TGFBR2: variants seen among roughly 807,000 people sequenced by gnomAD.
TGFBR2 encodes TGF-beta receptor type-2.
A neutral mutation model predicts 49.0 loss-of-function variants in TGFBR2; 18 were observed. That is an observed-to-expected ratio of 0.37 (90% confidence interval 0.25 to 0.54). TGFBR2 has a LOEUF of 0.54. TGFBR2 is among the 20% of genes least tolerant of loss of function. The pLI, the probability that TGFBR2 is intolerant of heterozygous loss-of-function variation, is 0.85. For missense variants in TGFBR2, 525 were observed against 722.6 expected, an observed-to-expected ratio of 0.73 and a Z score of 3.13; for synonymous variants, 282 against 275.9, an observed-to-expected ratio of 1.02 and a Z score of -0.22.
rs1312330303 is a variant in TGFBR2, at chr3:30,676,048, A to G, written c.1396+1802A>G. ...TAAAAAGTTTAAGACAGTTATTTAG[A>G]CGGTCTCTCACTTTGGGTTTCACTA... On this transcript the variant is annotated intron_variant, in intron 5 of 6. Coordinates refer to ENST00000295754, the MANE Select transcript of TGFBR2 (RefSeq NM_003242.6). This position sits in a 1 kb window ranked among gnomAD's most constrained non-coding sequence, Gnocchi z 4.3. 6.6e-6 allele frequency among the ~76,000 whole-genome samples: 1 copy of G among 152,102 alleles called. No individual in the cohort carries two copies. The highest frequency in any genetic ancestry group is 2.4e-5 in the African/African-American group (1 of 41,420).
At chr3:30,660,155 A>G (rs779924877) in intron 3 of TGFBR2, among the ~76,000 whole-genome samples, 1 of 152,208 alleles carries the variant, frequency 6.6e-6, no homozygotes, top group Non-Finnish European at 1.5e-5. Flanking sequence ...ATATACATAT[A>G]TATGCCTTTT....
At chr3:30,609,623 C>T (rs750538263) in intron 1 of TGFBR2, among the ~76,000 whole-genome samples, 4 of 152,140 alleles carry the variant, frequency 2.6e-5, no homozygotes, top group Admixed American at 1.3e-4. Flanking sequence ...GTAAAGTGCA[C>T]AATAACTCTT....
chr3:30,624,033 C>T lies in TGFBR2; in HGVS notation c.94+17056C>T, dbSNP rs560447046. On this transcript the variant is annotated intron_variant, in intron 1 of 6. Coordinates refer to ENST00000295754, the MANE Select transcript of TGFBR2 (RefSeq NM_003242.6). ...TGGCGGGCGCCTGTAATCACAGCTA[C>T]TCGGGAGGCTGAGGCAGGAGAATCG... is the stretch of plus-strand genomic sequence containing the variant. Among the ~76,000 whole-genome samples, 9 of 152,066 alleles carry T rather than the reference C, an allele frequency of 5.9e-5. No homozygotes were observed. In the East Asian group the frequency reaches 1.7e-3, roughly 29 times the overall value.
chr3:30,668,862 A>C (rs765831076), intron 3 of TGFBR2, among the ~76,000 whole-genome samples: 4 of 152,078 alleles, frequency 2.6e-5, no homozygotes, highest in Non-Finnish European at 5.9e-5. Flanking sequence ...TCTAGAATAT[A>C]TAGTCAGTGG....
In TGFBR2 at chr3:30,623,215, C is replaced by T. The variant is rs149757320; in HGVS notation, c.94+16238C>T. ...GTTTTACAGATGTGGAAATGGAGGC[C>T]CAGAAAGATGAAATCATCTGCCCCA... On this transcript the variant is annotated intron_variant, in intron 1 of 6. Coordinates refer to ENST00000295754, the MANE Select transcript of TGFBR2 (RefSeq NM_003242.6). The T allele has an allele frequency of 9.0e-5, 143 of 1,582,426 alleles. 1 individual carries two copies. The highest frequency in any genetic ancestry group is 1.0e-4 in the Non-Finnish European group (116 of 1,151,540).
intron 3 of TGFBR2, among the ~76,000 whole-genome samples, chr3:30,659,900 C>T (rs1052861916): frequency 4.0e-5 from 6 of 151,880 alleles, no homozygotes; most frequent in Non-Finnish European, 5.9e-5. Context: ...AAAAAAGGCT[C>T]AGGGAGGTGG....
intron 5 of TGFBR2, among the ~76,000 whole-genome samples, chr3:30,684,011 G>A (rs1181942426): frequency 1.3e-5 from 2 of 152,164 alleles, no homozygotes; most frequent in African/African-American, 4.8e-5. Flanking sequence ...AATATCTGAG[G>A]CATTCTGAGG....
chr3:30,672,363 T>G lies in TGFBR2; in HGVS notation c.1180T>G (p.Cys394Gly). The G allele has an allele frequency of 6.2e-7, 1 of 1,614,182 alleles. No individual in the cohort carries two copies. The highest frequency in any genetic ancestry group is 8.5e-7 in the Non-Finnish European group (1 of 1,180,016). ...NILVKNDLTCCLCDFGLSLRL... is the reference protein window; with the variant it reads ...NILVKNDLTCGLCDFGLSLRL... The stretch of plus-strand genomic sequence containing the variant: ...CCTCGTGAAGAACGACCTAACCTGC[T>G]GCCTGTGTGACTTTGGGCTTTCCCT... The change falls in exon 4 of 7, where the codon TGC becomes GGC. Residue 394 changes from cysteine (C) to glycine (G), a missense_variant. This residue lies in a region of TGFBR2 where 45 missense variants were observed against 111.0 expected (regional missense o/e 0.41). Transcript: ENST00000295754. This position sits in a 1 kb window ranked among gnomAD's most constrained non-coding sequence, Gnocchi z 4.5.
chr3:30,671,077 G>A (rs1013273220), intron 3 of TGFBR2, among the ~76,000 whole-genome samples: 1 of 152,210 alleles, frequency 6.6e-6, no homozygotes, highest in South Asian at 2.1e-4. Flanking sequence ...GAAGGCAGAA[G>A]CTGTGTCATT....
intron 1 of TGFBR2, among the ~76,000 whole-genome samples, chr3:30,622,890 A>G (rs1575133687): frequency 6.9e-6 from 1 of 145,336 alleles, no homozygotes; most frequent in African/African-American, 2.7e-5. Flanking sequence ...AAAAAAAAAA[A>G]AAAAAAAAAA....
intron 1 of TGFBR2, among the ~76,000 whole-genome samples, chr3:30,609,830 C>T (rs72849328): frequency 0.026 from 4,008 of 152,260 alleles, 202 homozygotes; most frequent in African/African-American, 0.092. Context: ...TTTTCCGCCT[C>T]ATAAAAACAC....
At chr3:30,684,990 C>G (rs1301207954) in intron 5 of TGFBR2, among the ~76,000 whole-genome samples, 1 of 152,108 alleles carries the variant, frequency 6.6e-6, no homozygotes, top group African/African-American at 2.4e-5. Flanking sequence ...ATTGGCTCTG[C>G]GTTTATAGTC....
chr3:30,651,262 C>G (rs1309962437), intron 3 of TGFBR2, among the ~76,000 whole-genome samples: 1 of 152,086 alleles, frequency 6.6e-6, no homozygotes, highest in Non-Finnish European at 1.5e-5. Flanking sequence ...CATTTTCGTC[C>G]TCCCCTCACT....
At chr3:30,644,987 G>A (rs1698704901) in intron 2 of TGFBR2, 72 bp downstream of exon 2, 1 of 1,372,900 alleles carries the variant, frequency 7.3e-7, no homozygotes, top group Non-Finnish European at 1.0e-6. Flanking sequence ...AGTACACACA[G>A]TCAGTGTATC....
rs533651852 is a variant in TGFBR2 at position 30,646,017 on chromosome 3, C to A, written c.263+1102C>A. The stretch of plus-strand genomic sequence containing the variant: ...ACATAAATTCATTAATGAGATATGA[C>A]ATTTTGCAGACTTATTCTGATGTTT... On this transcript the variant is annotated intron_variant, in intron 2 of 6. Coordinates refer to ENST00000295754, the MANE Select transcript of TGFBR2 (RefSeq NM_003242.6). Among the ~76,000 whole-genome samples the A allele has an allele frequency of 2.8e-4, 42 of 152,224 alleles. No homozygotes were observed. The East Asian group carries it at 3.5e-3, about 13-fold the overall frequency.
chr3:30,634,858 T>C (rs1361147767), intron 1 of TGFBR2, among the ~76,000 whole-genome samples: 1 of 152,236 alleles, frequency 6.6e-6, no homozygotes, highest in African/African-American at 2.4e-5. Context: ...TGAGAGTTCA[T>C]GAAATAGTGC....
At chr3:30,617,438 T>C (rs1340027074) in intron 1 of TGFBR2, among the ~76,000 whole-genome samples, 1 of 152,244 alleles carries the variant, frequency 6.6e-6, no homozygotes, top group Non-Finnish European at 1.5e-5. Flanking sequence ...GAAAAAAATC[T>C]AATAATAACA....
Position 30,691,813 on chromosome 3 carries a change from T to C in TGFBR2, c.*214T>C, listed in dbSNP as rs1433150728. On this transcript the variant is annotated 3_prime_UTR_variant, in exon 7 of 7. Coordinates refer to ENST00000295754, the MANE Select transcript of TGFBR2 (RefSeq NM_003242.6). ...TTTGACATTGTCATAGGATAAGCTG[T>C]GTTAGCACTTCCTCAGGAAATGAGA... The C allele has an allele frequency of 1.7e-6, 1 of 575,586 alleles. No homozygotes were observed. Among genetic ancestry groups the C allele is most frequent in the Non-Finnish European group, 3.1e-6 (1 of 321,028 alleles). 35.7% of individuals were successfully genotyped at this position (575,586 alleles called of 1,614,324 possible). A position where few individuals can be genotyped will look rare whatever the true frequency, so the allele number is the denominator to read the frequency against.
chr3:30,616,984 T>A (rs1279315571), intron 1 of TGFBR2, among the ~76,000 whole-genome samples: 2 of 152,158 alleles, frequency 1.3e-5, no homozygotes, highest in Non-Finnish European at 2.9e-5. Context: ...CTGAATTGGT[T>A]AAAATGTCTG....
Sources: allele counts gnomAD v4.1 joint callset (sites outside exome capture counted in the v4.1 genomes callset), GRCh38; gene constraint gnomAD v4.1.1; regional missense constraint gnomAD v4.1.1; non-coding constraint Gnocchi (gnomAD v3.1); transcripts MANE v1.5; gene names NCBI Gene and HGNC (gene_info 2026-07-23, HGNC 2026-07-21).